NUP160: variants seen among roughly 807,000 people sequenced by gnomAD.
The protein encoded by NUP160 is nuclear pore complex protein Nup160.
A neutral mutation model predicts 196.9 loss-of-function variants in NUP160; 94 were observed. That is an observed-to-expected ratio of 0.48 (90% CI 0.40 to 0.57). The LOEUF is 0.57. NUP160 is among the 20% of genes least tolerant of loss of function. The pLI is 0.00. For missense variants in NUP160, 1,638 were observed against 1,748.3 expected (o/e 0.94, Z 1.13); for synonymous variants, 605 against 619.7 (o/e 0.98, Z 0.35).
intron 20 of NUP160, 112 bp downstream of exon 20, chr11:47,806,041 T>C (rs750740803): frequency 1.1e-6 from 1 of 945,284 alleles, no homozygotes; most frequent in East Asian, 2.4e-5. Context: ...CTCGAACTTC[T>C]GGCCATAAGT....
At chr11:47,811,326 T>C (rs1024909867) in intron 17 of NUP160, among the ~76,000 whole-genome samples, 10 of 151,984 alleles carry the variant, frequency 6.6e-5, no homozygotes, top group African/African-American at 2.4e-4. Context: ...CTGGTCAACA[T>C]GGTGAAACCC....
chr11:47,828,858 T>C (rs896434780), intron 7 of NUP160, among the ~76,000 whole-genome samples: 4 of 152,180 alleles, frequency 2.6e-5, no homozygotes, highest in Admixed American at 2.0e-4. Context: ...TTTCAACAAA[T>C]GGTGCTGAGA....
At chr11:47,807,259 C>T (rs2097678276) in intron 18 of NUP160, 119 bp from the exon 19 acceptor site, 4 of 641,510 alleles carry the variant, frequency 6.2e-6, no homozygotes, top group Non-Finnish European at 1.1e-5. Flanking sequence ...AAAAGCTCCA[C>T]TGAAAGCACA....
chr11:47,824,912 T>C (rs765990084), intron 7 of NUP160, among the ~76,000 whole-genome samples: 2 of 151,740 alleles, frequency 1.3e-5, no homozygotes, highest in South Asian at 2.1e-4. Context: ...CTCGGCTCAC[T>C]GCGAGCTCCA....
intron 2 of NUP160, chr11:47,841,217 C>T (rs1459565243): frequency 4.6e-6 from 1 of 215,922 alleles, no homozygotes; most frequent in Admixed American, 5.0e-5. Flanking sequence ...TTTTCCCCCA[C>T]CCTCCCCAAA....
exon 1 of NUP160, chr11:47,848,433 A>T: frequency 6.5e-7 from 1 of 1,534,624 alleles, no homozygotes; most frequent in Non-Finnish European, 8.7e-7. Flanking sequence ...CGGGAGCAGA[A>T]AGGCGGCTCC....
intron 4 of NUP160, among the ~76,000 whole-genome samples, chr11:47,838,567 G>A (rs971028977): frequency 6.6e-6 from 1 of 151,972 alleles, no homozygotes; most frequent in African/African-American, 2.4e-5. Flanking sequence ...AATTAGCCAG[G>A]TGTGGTGGTG....
At chr11:47,831,418 GTCCAACACAAATGAAAAAAT>G (rs1249259931) in intron 7 of NUP160, among the ~76,000 whole-genome samples, 1 of 152,058 alleles carries the variant, frequency 6.6e-6, no homozygotes, top group East Asian at 1.9e-4. Context: ...AAACAACAAT[GTCCAACACAAATGAAAAAAT>G]TCCAACACAA....
chr11:47,792,993 TTC>T (rs1325767876), intron 27 of NUP160, 47 bp from the exon 28 acceptor site: 1 of 1,562,826 alleles, frequency 6.4e-7, no homozygotes, highest in Non-Finnish European at 8.7e-7. Context: ...AAATTTTTTT[TTC>T]TTTTTTTTGG....
intron 13 of NUP160, among the ~76,000 whole-genome samples, 177 bp from the exon 14 acceptor site, chr11:47,813,592 G>A (rs2097682376): frequency 6.6e-6 from 1 of 152,170 alleles, no homozygotes; most frequent in Non-Finnish European, 1.5e-5. Flanking sequence ...CAGTTTGGGA[G>A]GCTGAGGTGG....
chr11:47,842,993 AAAAC>A lies in NUP160; in HGVS notation c.315-2409_315-2406del, dbSNP rs557146906. Among the ~76,000 whole-genome samples, 49 of 152,288 alleles carry A rather than the reference AAAAC, an allele frequency of 3.2e-4. No homozygotes were observed. The South Asian group carries it at 8.5e-3, about 26-fold the overall frequency. ...CAGAGTGAAACTCTGACTCTAAAAAAAAACAAACAAACAAATGAATAAACAATAT... is the reference window on the plus strand; with the variant it reads ...CAGAGTGAAACTCTGACTCTAAAAAAAAACAAACAAATGAATAAACAATAT... On this transcript the variant is annotated intron_variant, in intron 2 of 35. Coordinates refer to ENST00000378460, the Ensembl canonical transcript of NUP160.
chr11:47,802,553 TG>T (rs2097674819), intron 22 of NUP160, among the ~76,000 whole-genome samples: 1 of 152,240 alleles, frequency 6.6e-6, no homozygotes, highest in Non-Finnish European at 1.5e-5. Flanking sequence ...TACTGTTCAC[TG>T]TAAAAAGTCT....
chr11:47,824,664 G>A (rs1851933025), intron 7 of NUP160, among the ~76,000 whole-genome samples: 1 of 151,864 alleles, frequency 6.6e-6, no homozygotes, highest in Non-Finnish European at 1.5e-5. Context: ...TTTAGAGACA[G>A]GTCTTGCTCT....
chr11:47,802,989 G>T (rs751471356), intron 22 of NUP160, among the ~76,000 whole-genome samples: 1 of 151,776 alleles, frequency 6.6e-6, no homozygotes, highest in African/African-American at 2.4e-5. Flanking sequence ...CTGTCTAAAA[G>T]AAATAATAAA....
chr11:47,837,640 G>A lies in NUP160; in HGVS notation c.749-17C>T, dbSNP rs754694881. 7 of 1,605,772 alleles carry A rather than the reference G, an allele frequency of 4.4e-6. No individual in the cohort carries two copies. The highest frequency in any genetic ancestry group is 4.5e-5 in the East Asian group (2 of 44,852). ...ACACCATACCTGCAATGATATCCAA[G>A]GCACCTCTTGAACACACTTAGAGAA... On this transcript the variant is annotated splice_polypyrimidine_tract_variant and intron_variant, in intron 4 of 35. Coordinates refer to ENST00000378460, the Ensembl canonical transcript of NUP160.
chr11:47,831,894 C>CTTTTTTTTTTT (rs554204043), intron 7 of NUP160, among the ~76,000 whole-genome samples: 6 of 69,982 alleles, frequency 8.6e-5, no homozygotes, highest in African/African-American at 3.7e-4. Flanking sequence ...TAATAAATTC[C>CTTTTTTTTTTT]TTTTTTTTTT....
chr11:47,813,216 A>G lies in NUP160; in HGVS notation c.1786+100T>C, dbSNP rs2097682164. The stretch of plus-strand genomic sequence containing the variant: ...ATATTTGTGGTGTGGTAAAGTGACC[A>G]AGACAGGTGTGGCAATCGATATTTT... On this transcript the variant is annotated intron_variant, in intron 14 of 35. Coordinates refer to ENST00000378460, the Ensembl canonical transcript of NUP160. 1.1e-5 allele frequency: 12 copies of G among 1,050,280 alleles called. No individual in the cohort carries two copies. The Admixed American group carries it at 2.1e-4, about 19-fold the overall frequency. The allele number at this position is 1,050,280 out of a possible 1,614,324, so 65.1% of individuals were successfully genotyped here. A position where few individuals can be genotyped will look rare whatever the true frequency, so the allele number is the denominator to read the frequency against.
chr11:47,816,091 A>G (rs2097684276), intron 11 of NUP160, 62 bp from the exon 12 acceptor site: 7 of 1,119,170 alleles, frequency 6.3e-6, no homozygotes, highest in Admixed American at 3.6e-5. Flanking sequence ...AAAACGTTTC[A>G]GTTTAGAAGA....
At chr11:47,784,806 T>G (rs377304068) in intron 33 of NUP160, 116 bp downstream of exon 33, 5 of 739,026 alleles carry the variant, frequency 6.8e-6, no homozygotes, top group South Asian at 7.9e-5. Flanking sequence ...CCTACCAATG[T>G]GCGGGCATGA....
Sources: allele counts gnomAD v4.1 joint callset (sites outside exome capture counted in the v4.1 genomes callset), GRCh38; gene constraint gnomAD v4.1.1; transcripts MANE v1.5; gene names NCBI Gene and HGNC (gene_info 2026-07-23, HGNC 2026-07-21).